DNMBP: variants seen among roughly 807,000 people sequenced by gnomAD.
DNMBP encodes dynamin-binding protein.
DNMBP carries 87 observed loss-of-function variants against 150.0 expected under a neutral mutation model. The observed-to-expected ratio is 0.58, with a 90% confidence interval of 0.49 to 0.69. DNMBP has a LOEUF of 0.69. DNMBP is among the 30% of genes least tolerant of loss of function. The pLI is 0.00. For synonymous variants in DNMBP, 711 were observed against 750.4 expected (o/e 0.95, Z 0.86); for missense variants, 1,774 against 1,949.0 (o/e 0.91, Z 1.69).
intron 12 of DNMBP, 104 bp from the exon 13 acceptor site, chr10:99,886,736 C>G (rs1196316816): frequency 9.2e-7 from 1 of 1,081,468 alleles, no homozygotes; most frequent in Non-Finnish European, 1.3e-6. Flanking sequence ...GAACCACCTA[C>G]TTCGTTTCTA....
intron 1 of DNMBP, among the ~76,000 whole-genome samples, chr10:100,004,683 T>TC (rs1234037920): frequency 6.6e-6 from 1 of 152,168 alleles, no homozygotes; most frequent in East Asian, 1.9e-4. Flanking sequence ...GACCTAGGGT[T>TC]CAGGAAGAGT....
intron 3 of DNMBP, among the ~76,000 whole-genome samples, chr10:99,966,050 C>G (rs906580305): frequency 1.3e-5 from 2 of 152,144 alleles, no homozygotes; most frequent in Non-Finnish European, 2.9e-5. Flanking sequence ...TGACTTGTCA[C>G]GTATACAAAA....
chr10:99,884,242 G>T, intron 14 of DNMBP, 33 bp from the exon 15 acceptor site: 1 of 1,581,062 alleles, frequency 6.3e-7, no homozygotes, highest in Non-Finnish European at 8.7e-7. Context: ...AAATCTCTCA[G>T]TGGCCACTAC....
intron 1 of DNMBP, among the ~76,000 whole-genome samples, chr10:100,003,833 A>G (rs755981978): frequency 2.0e-5 from 3 of 151,728 alleles, no homozygotes; most frequent in Non-Finnish European, 4.4e-5. Context: ...TAAAAAATAA[A>G]AAAGCAACAT....
chr10:99,932,029 C>A (rs1310730430), intron 4 of DNMBP, among the ~76,000 whole-genome samples: 4 of 152,160 alleles, frequency 2.6e-5, no homozygotes, highest in Non-Finnish European at 5.9e-5. Flanking sequence ...TTGGGGTGGA[C>A]CCCAGAGGAT....
At chr10:99,929,875 T>C (rs919760272) in intron 4 of DNMBP, 2 of 703,026 alleles carry the variant, frequency 2.8e-6, no homozygotes, top group Non-Finnish European at 5.2e-6. Context: ...TCAGTGCCAT[T>C]ATACTCCAAA....
At chr10:99,923,372 TGA>T (rs1295281555) in intron 4 of DNMBP, among the ~76,000 whole-genome samples, 2 of 147,146 alleles carry the variant, frequency 1.4e-5, no homozygotes, top group Non-Finnish European at 3.0e-5. Context: ...GTCAAAAGAG[TGA>T]GAGTCCGTCT....
At chr10:99,994,082 G>GAA (rs1208033923) in intron 1 of DNMBP, among the ~76,000 whole-genome samples, 1 of 152,172 alleles carries the variant, frequency 6.6e-6, no homozygotes, top group Non-Finnish European at 1.5e-5. Context: ...AATTTAAAGA[G>GAA]AAGTCATATT....
At chr10:100,003,332 G>T (rs550717952) in intron 1 of DNMBP, among the ~76,000 whole-genome samples, 5 of 152,286 alleles carry the variant, frequency 3.3e-5, no homozygotes, top group African/African-American at 1.2e-4. Flanking sequence ...GGGCGACAGA[G>T]CGAGACTCCA....
intron 4 of DNMBP, among the ~76,000 whole-genome samples, chr10:99,916,431 C>T (rs1319391853): frequency 1.3e-5 from 2 of 152,192 alleles, no homozygotes; most frequent in African/African-American, 2.4e-5. Context: ...CAGAGCGAGA[C>T]TCTGTCTCAA....
chr10:99,953,143 G>A (rs1564743685), intron 4 of DNMBP, among the ~76,000 whole-genome samples: 2 of 152,116 alleles, frequency 1.3e-5, no homozygotes, highest in Admixed American at 6.5e-5. Context: ...CCCAAATTAA[G>A]GGAAATAATT....
chr10:99,967,668 GGTGTGTGTGTGT>G lies in DNMBP; in HGVS notation c.268+1435_268+1446del, dbSNP rs140839578. On this transcript the variant is annotated intron_variant, in intron 3 of 16. Coordinates refer to ENST00000324109, the MANE Select transcript of DNMBP (RefSeq NM_015221.4). ...TAGAGAAGTTTGATAGGTTTTTCTG[GGTGTGTGTGTGT>G]GTGTGTGTGTGTGTGTGTGGGTATG... 1.2e-4 allele frequency among the ~76,000 whole-genome samples: 18 copies of G among 145,642 alleles called. No individual in the cohort carries two copies. In the East Asian group the frequency reaches 2.2e-3, roughly 18 times the overall value.
At chr10:99,932,859 A>T (rs561178813) in intron 4 of DNMBP, among the ~76,000 whole-genome samples, 1 of 150,788 alleles carries the variant, frequency 6.6e-6, no homozygotes, top group Admixed American at 6.6e-5. Flanking sequence ...TCTGGGAATG[A>T]CCACTAGTTA....
In DNMBP at chr10:99,884,105, G is replaced by A; in HGVS notation, c.3903C>T (p.Asp1301=). 6.2e-7 allele frequency: 1 copy of A among 1,614,114 alleles called. No homozygotes were observed. Among genetic ancestry groups the A allele is most frequent in the Non-Finnish European group, 8.5e-7 (1 of 1,180,024 alleles). The change falls in exon 15 of 17, where the codon GAC becomes GAT. Residue 1301 remains aspartate (D), a synonymous_variant. Transcript: ENST00000324109. ...CACCTTCCAAAAGTGAGACATCCAA[G>A]TCTTGAGCAGCATTGAAGTTCCGTT... ...QAERNFNAAQ[D]LDVSLLEGDL...
chr10:99,899,216 T>TA (rs912228800), intron 7 of DNMBP, among the ~76,000 whole-genome samples: 9 of 151,646 alleles, frequency 5.9e-5, no homozygotes, highest in African/African-American at 2.2e-4. Flanking sequence ...TAATAAAAAA[T>TA]AAAAAAGTTA....
At position 99,888,859 on chromosome 10, in the gene DNMBP, T is replaced by C; in HGVS notation, c.3251A>G (p.His1084Arg). ...GAAGAGCTGGTCACTGATGTAGCGA[T>C]GCACCCTCTCAAACTGCTCCAGGTC... ...HRDLEQFERV[H>R]RYISDQLFTN... Residue 1084 changes from histidine (H) to arginine (R), a missense_variant, in exon 12 of 17, where the codon CAT (histidine) becomes CGT (arginine). Transcript: ENST00000324109. 6.2e-7 allele frequency: 1 copy of C among 1,614,142 alleles called. No homozygotes were observed. Among genetic ancestry groups the C allele is most frequent in the Non-Finnish European group, 8.5e-7 (1 of 1,180,012 alleles).
At chr10:99,939,968 C>T (rs1317765079) in intron 4 of DNMBP, among the ~76,000 whole-genome samples, 1 of 152,178 alleles carries the variant, frequency 6.6e-6, no homozygotes, top group Non-Finnish European at 1.5e-5. Context: ...ATTCCCCTAG[C>T]CCCCTGGCCA....
At position 99,879,870 on chromosome 10, in the gene DNMBP, C is replaced by A; in HGVS notation, c.4489G>T (p.Ala1497Ser). ...GTACTTCTGTCTTCCGGAGCCTGGGCTGTTCTTGCACATCCTTTGACGAGG... is the reference window on the plus strand; with the variant it reads ...GTACTTCTGTCTTCCGGAGCCTGGGATGTTCTTGCACATCCTTTGACGAGG... Reference protein sequence around the residue: ...QDLVKGCARTAQAPEDRSTEP... With the variant: ...QDLVKGCARTSQAPEDRSTEP... The change falls in exon 16 of 17, where the codon GCC becomes TCC. Residue 1497 changes from alanine to serine, a missense_variant. By Grantham distance (99) the Ala-to-Ser change is moderately conservative. Transcript: ENST00000324109. 1 of 1,614,236 alleles carries A rather than the reference C, an allele frequency of 6.2e-7. No homozygotes were observed. The highest frequency in any genetic ancestry group is 2.2e-5 in the East Asian group (1 of 44,892).
At chr10:99,899,309 T>C (rs1297797830) in intron 7 of DNMBP, among the ~76,000 whole-genome samples, 3 of 149,906 alleles carry the variant, frequency 2.0e-5, no homozygotes, top group Non-Finnish European at 4.5e-5. Flanking sequence ...ACCTGATGTC[T>C]AGAATACCTT....
Sources: gnomAD v4.1 joint callset for allele counts (sites outside exome capture counted in the v4.1 genomes callset) on GRCh38, gnomAD v4.1.1 for gene constraint, MANE v1.5 for transcripts, NCBI Gene and HGNC (gene_info 2026-07-23, HGNC 2026-07-21) for gene names.